The following ZNF804B variants were observed in gnomAD, a reference collection of about 807,000 sequenced individuals.
ZNF804B encodes zinc finger 804B.
Under a neutral mutation model 101.4 loss-of-function variants are expected in ZNF804B, and 80 were observed. The observed-to-expected ratio is 0.79, with a 90% CI of 0.66 to 0.95. ZNF804B has a LOEUF of 0.95. ZNF804B is among the 40% of genes least tolerant of loss of function. The pLI is 0.00. For missense variants in ZNF804B, 1,673 were observed against 1,561.9 expected, an observed-to-expected ratio of 1.07 and a Z score of -1.20; for synonymous variants, 622 against 558.8, an observed-to-expected ratio of 1.11 and a Z score of -1.59.
intron 1 of ZNF804B, among the ~76,000 whole-genome samples, chr7:88,873,076 A>C (rs1334594523): frequency 4.6e-5 from 7 of 151,854 alleles, no homozygotes; most frequent in Non-Finnish European, 7.4e-5. Context: ...ACTAGTTTAC[A>C]GTCCCACCAA....
chr7:88,948,897 A>T (rs1455767468), intron 1 of ZNF804B, among the ~76,000 whole-genome samples: 1 of 151,948 alleles, frequency 6.6e-6, no homozygotes, highest in African/African-American at 2.4e-5. Flanking sequence ...CCGCGATCAC[A>T]GAAGTTTTAT....
At chr7:89,128,239 G>A (rs1051558071) in intron 1 of ZNF804B, among the ~76,000 whole-genome samples, 3 of 151,796 alleles carry the variant, frequency 2.0e-5, no homozygotes, top group African/African-American at 7.2e-5. Context: ...TAGACATGTA[G>A]TTGTTAAGCA....
At chr7:88,935,027 ATGTGTGTG>A (rs1187283448) in intron 1 of ZNF804B, among the ~76,000 whole-genome samples, 1 of 151,244 alleles carries the variant, frequency 6.6e-6, no homozygotes, top group Non-Finnish European at 1.5e-5. Context: ...ATATAGATAT[ATGTGTGTG>A]TGTGTATATA....
At chr7:89,258,013 C>A (rs1009202260) in intron 2 of ZNF804B, among the ~76,000 whole-genome samples, 7 of 151,990 alleles carry the variant, frequency 4.6e-5, no homozygotes, top group Middle Eastern at 3.4e-3. Flanking sequence ...ATGATTGGCC[C>A]TTCATATTCA....
At chr7:89,112,313 G>C (rs149740809) in intron 1 of ZNF804B, among the ~76,000 whole-genome samples, 1 of 152,068 alleles carries the variant, frequency 6.6e-6, no homozygotes, top group Non-Finnish European at 1.5e-5. Flanking sequence ...AAAGGTCAGT[G>C]GCTAGGTTCA....
chr7:89,296,103 T>C (rs1033996687), intron 2 of ZNF804B, among the ~76,000 whole-genome samples: 1 of 152,068 alleles, frequency 6.6e-6, no homozygotes, highest in African/African-American at 2.4e-5. Flanking sequence ...CACTATATAA[T>C]TCATCCATGT....
intron 2 of ZNF804B, among the ~76,000 whole-genome samples, chr7:89,280,049 A>G (rs1790063003): frequency 6.6e-6 from 1 of 152,174 alleles, no homozygotes; most frequent in African/African-American, 2.4e-5. Context: ...AGAAATTATA[A>G]CAAACTATCT....
intron 1 of ZNF804B, among the ~76,000 whole-genome samples, chr7:89,150,518 G>T (rs1318436700): frequency 6.6e-6 from 1 of 152,026 alleles, no homozygotes; most frequent in African/African-American, 2.4e-5. Context: ...TTAAATTTCT[G>T]CCCTTAGGTA....
chr7:88,915,141 GAAAATAATT>G (rs1185849311), intron 1 of ZNF804B, among the ~76,000 whole-genome samples: 1 of 151,992 alleles, frequency 6.6e-6, no homozygotes, highest in Non-Finnish European at 1.5e-5. Flanking sequence ...CATTTTAAGA[GAAAATAATT>G]GCTTATCTTT....
chr7:89,277,580 A>G (rs527816710), intron 2 of ZNF804B, among the ~76,000 whole-genome samples: 6 of 146,738 alleles, frequency 4.1e-5, no homozygotes, highest in Non-Finnish European at 7.5e-5. Context: ...ATTCCCACCT[A>G]TGAGTGAGAA....
chr7:89,180,345 C>T (rs997095878), intron 1 of ZNF804B, among the ~76,000 whole-genome samples: 4 of 152,096 alleles, frequency 2.6e-5, no homozygotes, highest in African/African-American at 9.7e-5. Context: ...TTTGCTGCAG[C>T]TGAACTTATA....
chr7:88,911,200 G>A (rs901794676), intron 1 of ZNF804B, among the ~76,000 whole-genome samples: 4 of 151,972 alleles, frequency 2.6e-5, no homozygotes, highest in East Asian at 1.9e-4. Context: ...ATGTAAGTGC[G>A]AAAGGACATT....
At chr7:89,070,158 A>G (rs559674919) in intron 1 of ZNF804B, among the ~76,000 whole-genome samples, 139 of 152,358 alleles carry the variant, frequency 9.1e-4, no homozygotes, top group Non-Finnish European at 1.4e-3. Context: ...TAAAGTGGCA[A>G]GGCACATTAG....
At chr7:89,161,774 A>T (rs186118965) in intron 1 of ZNF804B, among the ~76,000 whole-genome samples, 197 of 152,250 alleles carry the variant, frequency 1.3e-3, no homozygotes, top group Non-Finnish European at 1.9e-3. Flanking sequence ...AGTTGACATT[A>T]TATATTCCAG....
At chr7:88,775,646 T>G (rs1368691185) in intron 1 of ZNF804B, among the ~76,000 whole-genome samples, 1 of 152,192 alleles carries the variant, frequency 6.6e-6, no homozygotes, top group Non-Finnish European at 1.5e-5. Flanking sequence ...TAATTACATG[T>G]GCAGTAAATT....
At chr7:89,095,877 A>C (rs1789964802) in intron 1 of ZNF804B, among the ~76,000 whole-genome samples, 2 of 152,138 alleles carry the variant, frequency 1.3e-5, no homozygotes, top group Admixed American at 1.3e-4. Flanking sequence ...ACTGAGTTTG[A>C]AAATCAACTC....
chr7:88,984,594 T>C (rs2116140212), intron 1 of ZNF804B, among the ~76,000 whole-genome samples: 1 of 152,142 alleles, frequency 6.6e-6, no homozygotes, highest in South Asian at 2.1e-4. Context: ...ACTTTATGAG[T>C]GGTCCAGACA....
Position 89,181,150 on chromosome 7 carries a change from C to G in ZNF804B, c.109-37005C>G, listed in dbSNP as rs1788289516. Reference sequence around the variant, plus strand: ...CTTCCTAAACTGTGAGCTGCACTATCTAGGGTTGGGGATGGGGTAACATAA... The same window carrying G: ...CTTCCTAAACTGTGAGCTGCACTATGTAGGGTTGGGGATGGGGTAACATAA... On this transcript the variant is annotated intron_variant, in intron 1 of 3. Transcript: ENST00000333190. Among the ~76,000 whole-genome samples, 3 of 151,918 alleles carry G rather than the reference C, an allele frequency of 2.0e-5. No homozygotes were observed. In the South Asian group the frequency reaches 6.3e-4, roughly 32 times the overall value.
chr7:88,796,901 A>C (rs1223753509), intron 1 of ZNF804B, among the ~76,000 whole-genome samples: 1 of 152,124 alleles, frequency 6.6e-6, no homozygotes, highest in Non-Finnish European at 1.5e-5. Flanking sequence ...AGGTAGACAC[A>C]ACTAGTTAAT....
Sources: allele counts gnomAD v4.1 joint callset (sites outside exome capture counted in the v4.1 genomes callset), GRCh38; gene constraint gnomAD v4.1.1; transcripts MANE v1.5; gene names NCBI Gene and HGNC (gene_info 2026-07-23, HGNC 2026-07-21).